The following P3R3URF variants were observed in gnomAD, a reference collection of about 807,000 sequenced individuals.
The protein encoded by P3R3URF is P3R3URF protein.
P3R3URF carries 6 observed loss-of-function variants against 8.0 expected under a neutral mutation model. The observed-to-expected ratio is 0.75, with a 90% CI of 0.41 to 1.47. P3R3URF has a LOEUF of 1.47. P3R3URF is among the 40% of genes most tolerant of loss of function. P3R3URF has a pLI of 0.01. For synonymous variants in P3R3URF, 39 were observed against 36.7 expected, an observed-to-expected ratio of 1.06 and a Z score of -0.23; for missense variants, 121 against 117.3, an observed-to-expected ratio of 1.03 and a Z score of -0.14.
chr1:46,176,167 AC>A, intron 1 of P3R3URF, 60 bp downstream of exon 1: 1 of 1,524,814 alleles, frequency 6.6e-7, no homozygotes, highest in Non-Finnish European at 8.8e-7. Context: ...GAGCCACCGC[AC>A]CCAGCCTAGT....
intron 1 of P3R3URF, 73 bp downstream of exon 1, chr1:46,176,155 A>T (rs12030928): frequency 1.3e-6 from 2 of 1,505,362 alleles, no homozygotes; most frequent in South Asian, 1.2e-5. Context: ...GATTACAGGC[A>T]TGAGCCACCG....
rs1657115440 is a variant in P3R3URF, at chr1:46,175,613, C to A, written c.261G>T (p.Arg87Ser). 4 of 398,944 alleles carry A rather than the reference C, an allele frequency of 1.0e-5. No homozygotes were observed. The South Asian group carries it at 5.1e-4, about 51-fold the overall frequency. 24.7% of individuals were successfully genotyped at this position (398,944 alleles called of 1,614,324 possible). ...AGAGGATCAGAAAAATCCCAGGTTG[C>A]CTGAGATGTCTGAGAACTGAGGAGA... ...IFPPQVLRHL[R>S]QPGIFLIL The change falls in exon 2 of 2, where the codon AGG becomes AGT. Residue 87 changes from arginine to serine, a missense_variant. Transcript: ENST00000506599.
Position 46,176,251 on chromosome 1 carries a change from A to G in P3R3URF, c.221T>C (p.Ile74Thr), listed in dbSNP as rs1302496179. ...GINNTHTDTT[I>T]VWIFPPQVLR... ...ACCTTGAGGTGGGAAGATCCACACT[A>G]TGGTGGTGTCAGTGTGGGTGTTGTT... is the stretch of plus-strand genomic sequence containing the variant. Residue 74 changes from isoleucine (I) to threonine (T), a missense_variant, in exon 1 of 2, where the codon ATA (isoleucine) becomes ACA (threonine). Coordinates refer to ENST00000506599, the MANE Select transcript of P3R3URF (RefSeq NM_001328655.2). 2.6e-6 allele frequency: 4 copies of G among 1,535,688 alleles called. No individual in the cohort carries two copies. Among genetic ancestry groups the G allele is most frequent in the Non-Finnish European group, 3.5e-6 (4 of 1,146,856 alleles).
In P3R3URF at chr1:46,176,356, C is replaced by T. The variant is rs1010584766; in HGVS notation, c.116G>A (p.Arg39His). Residue 39 changes from arginine (R) to histidine (H), a missense_variant, in exon 1 of 2, where the codon CGC (arginine) becomes CAC (histidine). Coordinates refer to ENST00000506599, the MANE Select transcript of P3R3URF (RefSeq NM_001328655.2). ...PRFPRMFKCS[R>H]RRYQQGLRGR... is the part of the protein sequence containing the mutation. ...TCGGAGACCCTGTTGATATCTTCTGCGGCTACACTTGAACATCCTGGGAAA... is the reference window on the plus strand; with the variant it reads ...TCGGAGACCCTGTTGATATCTTCTGTGGCTACACTTGAACATCCTGGGAAA... 47 of 1,535,736 alleles carry T rather than the reference C, an allele frequency of 3.1e-5. 1 individual carries two copies. Among genetic ancestry groups the T allele is most frequent in the Middle Eastern group, 3.3e-4 (2 of 5,990 alleles).
At chr1:46,175,857 T>A in intron 1 of P3R3URF, 1 of 437,172 alleles carries the variant, frequency 2.3e-6, no homozygotes, top group Middle Eastern at 5.8e-4. Flanking sequence ...GGTAGGGAAA[T>A]CTTCACTGGC....
Position 46,176,308 on chromosome 1 carries a change from G to A in P3R3URF, c.164C>T (p.Ala55Val). ...CATGGCCCTGGTGGCAGGATTGATGGCTGCACTGCTGGCAGTTCGACCTCG... is the reference window on the plus strand; with the variant it reads ...CATGGCCCTGGTGGCAGGATTGATGACTGCACTGCTGGCAGTTCGACCTCG... ...GLRGRTASSA[A>V]INPATRAMGI... is the part of the protein sequence containing the mutation. The change falls in exon 1 of 2, where the codon GCC (alanine) becomes GTC (valine). Residue 55 changes from alanine (A) to valine (V), a missense_variant. Transcript: ENST00000506599. The A allele has an allele frequency of 6.5e-7, 1 of 1,535,772 alleles. No homozygotes were observed. Among genetic ancestry groups the A allele is most frequent in the Non-Finnish European group, 8.7e-7 (1 of 1,146,904 alleles).
chr1:46,175,634 G>A lies in P3R3URF; in HGVS notation c.245-5C>T. On this transcript the variant is annotated splice_polypyrimidine_tract_variant and splice_region_variant and intron_variant, in intron 1 of 1. Coordinates refer to ENST00000506599, the MANE Select transcript of P3R3URF (RefSeq NM_001328655.2). ...GTTGCCTGAGATGTCTGAGAACTGA[G>A]GAGAGGAAGGAGAGGGAAGAGTTTG... 5.0e-6 allele frequency: 2 copies of A among 399,470 alleles called. No homozygotes were observed. The highest frequency in any genetic ancestry group is 8.8e-6 in the Non-Finnish European group (2 of 226,714). The allele number at this position is 399,470 out of a possible 1,614,324, so 24.7% of individuals were successfully genotyped here.
At chr1:46,175,985 G>C in intron 1 of P3R3URF, 1 of 532,680 alleles carries the variant, frequency 1.9e-6, no homozygotes, top group Non-Finnish European at 3.3e-6. Context: ...CAATTCTCCT[G>C]CCTCAGCCTC....
rs900848643 is a variant in P3R3URF at position 46,176,203 on chromosome 1, C to T, written c.244+25G>A. On this transcript the variant is annotated intron_variant, in intron 1 of 1. Coordinates refer to ENST00000506599, the MANE Select transcript of P3R3URF (RefSeq NM_001328655.2). Reference sequence around the variant, plus strand: ...TGGCTCTGTTTTTTAAAACCCCACCCTGGCTCACAGGCCCCCTGGCTAACC... The same window carrying T: ...TGGCTCTGTTTTTTAAAACCCCACCTTGGCTCACAGGCCCCCTGGCTAACC... 16 of 1,534,218 alleles carry T rather than the reference C, an allele frequency of 1.0e-5. No homozygotes were observed. The Admixed American group carries it at 3.1e-4, about 30-fold the overall frequency.
rs192770875 is a variant in P3R3URF, at chr1:46,176,254, G to A, written c.218C>T (p.Thr73Ile). 1 of 1,535,752 alleles carries A rather than the reference G, an allele frequency of 6.5e-7. No homozygotes were observed. The highest frequency in any genetic ancestry group is 8.7e-7 in the Non-Finnish European group (1 of 1,146,892). ...MGINNTHTDTTIVWIFPPQVL... is the reference protein window; with the variant it reads ...MGINNTHTDTIIVWIFPPQVL... Reference sequence around the variant, plus strand: ...TTGAGGTGGGAAGATCCACACTATGGTGGTGTCAGTGTGGGTGTTGTTGAT... The same window carrying A: ...TTGAGGTGGGAAGATCCACACTATGATGGTGTCAGTGTGGGTGTTGTTGAT... Residue 73 changes from threonine (T) to isoleucine (I), a missense_variant, in exon 1 of 2, where the codon ACC becomes ATC. Thr to Ile is a moderately conservative substitution (Grantham distance 89, BLOSUM62 -1). Transcript: ENST00000506599.
chr1:46,176,383 C>T lies in P3R3URF; in HGVS notation c.89G>A (p.Arg30Gln), dbSNP rs1034387846. 3.4e-5 allele frequency: 52 copies of T among 1,535,752 alleles called. No individual in the cohort carries two copies. The African/African-American group carries it at 4.8e-4, about 14-fold the overall frequency. Residue 30 changes from arginine to glutamine, a missense_variant, in exon 1 of 2, where the codon CGA becomes CAA. Arg to Gln is a conservative substitution (Grantham distance 43, BLOSUM62 1). Coordinates refer to ENST00000506599, the MANE Select transcript of P3R3URF (RefSeq NM_001328655.2). The stretch of plus-strand genomic sequence containing the variant: ...GCTACACTTGAACATCCTGGGAAAT[C>T]GGGGCCTGGGCCAGCCCATACCTGG... ...RRPGMGWPRP[R>Q]FPRMFKCSRR...
At chr1:46,176,090 T>C (rs184633285) in intron 1 of P3R3URF, 138 bp downstream of exon 1, 51 of 895,186 alleles carry the variant, frequency 5.7e-5, no homozygotes, top group Admixed American at 9.9e-5. Flanking sequence ...TTAGCCAGGA[T>C]GGTCTCGATC....
rs1657153617 is a variant in P3R3URF at position 46,176,221 on chromosome 1, G to A, written c.244+7C>T. The A allele has an allele frequency of 6.5e-7, 1 of 1,535,086 alleles. No homozygotes were observed. Among genetic ancestry groups the A allele is most frequent in the Non-Finnish European group, 8.7e-7 (1 of 1,146,564 alleles). On this transcript the variant is annotated splice_region_variant and intron_variant, in intron 1 of 1. Coordinates refer to ENST00000506599, the MANE Select transcript of P3R3URF (RefSeq NM_001328655.2). The stretch of plus-strand genomic sequence containing the variant: ...CCCCACCCTGGCTCACAGGCCCCCT[G>A]GCTAACCTTGAGGTGGGAAGATCCA...
chr1:46,176,344 T>G lies in P3R3URF; in HGVS notation c.128A>C (p.Gln43Pro), dbSNP rs767561998. ...RMFKCSRRRY[Q>P]QGLRGRTASS... The stretch of plus-strand genomic sequence containing the variant: ...GGCAGTTCGACCTCGGAGACCCTGT[T>G]GATATCTTCTGCGGCTACACTTGAA... Residue 43 changes from glutamine (Q) to proline (P), a missense_variant, in exon 1 of 2, where the codon CAA becomes CCA. Transcript: ENST00000506599. 3.3e-6 allele frequency: 5 copies of G among 1,535,752 alleles called. No individual in the cohort carries two copies. The highest frequency in any genetic ancestry group is 1.4e-5 in the African/African-American group (1 of 73,182).
chr1:46,176,063 G>GAC (rs1657141130), intron 1 of P3R3URF, among the ~76,000 whole-genome samples, 165 bp downstream of exon 1: 1 of 152,174 alleles, frequency 6.6e-6, no homozygotes, highest in East Asian at 1.9e-4. Context: ...TTTTAGTAGA[G>GAC]ATGGGATTTC....
At position 46,176,364 on chromosome 1, in the gene P3R3URF, C is replaced by T; in HGVS notation, c.108G>A (p.Lys36=). 1.3e-6 allele frequency: 2 copies of T among 1,535,742 alleles called. 1 individual carries two copies. Among genetic ancestry groups the T allele is most frequent in the Non-Finnish European group, 1.7e-6 (2 of 1,146,912 alleles). Reference sequence around the variant, plus strand: ...CCTGTTGATATCTTCTGCGGCTACACTTGAACATCCTGGGAAATCGGGGCC... The same window carrying T: ...CCTGTTGATATCTTCTGCGGCTACATTTGAACATCCTGGGAAATCGGGGCC... ...WPRPRFPRMF[K]CSRRRYQQGL... is the part of the protein sequence containing the mutation. The change falls in exon 1 of 2, where the codon AAG becomes AAA. Residue 36 remains lysine, a synonymous_variant. Transcript: ENST00000506599.
intron 1 of P3R3URF, 147 bp downstream of exon 1, chr1:46,176,081 T>C (rs1414836488): frequency 1.9e-5 from 16 of 851,792 alleles, no homozygotes; most frequent in East Asian, 1.6e-4. Context: ...TTCACCGTGT[T>C]AGCCAGGATG....
chr1:46,175,654 A>T (rs562130584), intron 1 of P3R3URF, 25 bp from the exon 2 acceptor site: 333 of 399,626 alleles, frequency 8.3e-4, no homozygotes, highest in Non-Finnish European at 1.3e-3. Flanking sequence ...GAGAGGGAAG[A>T]GTTTGAGGAA....
In P3R3URF at chr1:46,176,244, C is replaced by G. The variant is rs1361105042; in HGVS notation, c.228G>C (p.Trp76Cys). 2 of 1,535,738 alleles carry G rather than the reference C, an allele frequency of 1.3e-6. No individual in the cohort carries two copies. Among genetic ancestry groups the G allele is most frequent in the East Asian group, 4.9e-5 (2 of 40,924 alleles). ...CTGGCTAACCTTGAGGTGGGAAGAT[C>G]CACACTATGGTGGTGTCAGTGTGGG... is the stretch of plus-strand genomic sequence containing the variant. ...NNTHTDTTIV[W>C]IFPPQVLRHL... is the part of the protein sequence containing the mutation. Residue 76 changes from tryptophan (W) to cysteine (C), a missense_variant, in exon 1 of 2, where the codon TGG (tryptophan) becomes TGC (cysteine). Trp to Cys is a radical substitution (Grantham distance 215). Transcript: ENST00000506599.
Sources: gnomAD v4.1 joint callset for allele counts (sites outside exome capture counted in the v4.1 genomes callset) on GRCh38, gnomAD v4.1.1 for gene constraint, MANE v1.5 for transcripts, NCBI Gene and HGNC (gene_info 2026-07-23, HGNC 2026-07-21) for gene names.